Variants in CACNA1A observed in about 807,000 individuals in gnomAD.
The protein encoded by CACNA1A is voltage-dependent P/Q-type calcium channel subunit alpha-1A.
Under a neutral mutation model 262.4 loss-of-function variants are expected in CACNA1A, and 57 were observed. That is an observed-to-expected ratio of 0.22 (90% confidence interval 0.18 to 0.27). The LOEUF (loss-of-function observed/expected upper bound fraction) is 0.27, where lower values mean the gene tolerates loss of function less well. CACNA1A is among the 10% of genes least tolerant of loss of function. CACNA1A has a pLI of 1.00. For missense variants in CACNA1A, 2,526 were observed against 3,562.8 expected (o/e 0.71, Z 7.41); for synonymous variants, 1,431 against 1,419.3 (o/e 1.01, Z -0.18).
intron 5 of CACNA1A, chr19:13,363,540 C>T (rs2059151753): frequency 6.6e-6 from 1 of 151,292 alleles, no homozygotes; most frequent in Admixed American, 6.6e-5. Flanking sequence ...CCCAAACCTC[C>T]AACCATTGCA....
At chr19:13,332,403 T>TA (rs892925959) in intron 9 of CACNA1A, among the ~76,000 whole-genome samples, 17 of 147,164 alleles carry the variant, frequency 1.2e-4, no homozygotes, top group African/African-American at 3.0e-4. Flanking sequence ...CTGTCTCAAT[T>TA]AAAAAAAAAA....
intron 1 of CACNA1A, among the ~76,000 whole-genome samples, chr19:13,493,040 G>A (rs920195452): frequency 6.6e-6 from 1 of 152,192 alleles, no homozygotes; most frequent in Non-Finnish European, 1.5e-5. Context: ...AGGGGAAGGA[G>A]AGAGAAGGGG....
intron 3 of CACNA1A, among the ~76,000 whole-genome samples, chr19:13,402,777 TACATATATATACATATATAC>T (rs1372582789): frequency 0.036 from 4,746 of 133,248 alleles, 252 homozygotes; most frequent in African/African-American, 0.11. Flanking sequence ...TACATATATA[TACATATATATACATATATAC>T]ACACATATAT....
At chr19:13,305,050 C>T (rs1178087393) in intron 15 of CACNA1A, among the ~76,000 whole-genome samples, 1 of 152,096 alleles carries the variant, frequency 6.6e-6, no homozygotes, top group African/African-American at 2.4e-5. Context: ...GGTTCGGGTG[C>T]AAGTGGTTTG....
chr19:13,251,475 T>G (rs1049122924), intron 30 of CACNA1A, among the ~76,000 whole-genome samples: 1 of 152,078 alleles, frequency 6.6e-6, no homozygotes, highest in Non-Finnish European at 1.5e-5. Flanking sequence ...AGCGAGACTG[T>G]CTCAAACAAA....
chr19:13,284,353 T>C (rs564482567), intron 21 of CACNA1A: 1 of 152,254 alleles, frequency 6.6e-6, no homozygotes, highest in African/African-American at 2.4e-5. Flanking sequence ...ACTTTAAAGG[T>C]ACTTTTATTT....
At chr19:13,497,876 G>A (rs1981877431) in intron 1 of CACNA1A, among the ~76,000 whole-genome samples, 1 of 151,930 alleles carries the variant, frequency 6.6e-6, no homozygotes, top group Non-Finnish European at 1.5e-5. Context: ...CCGTTTTACA[G>A]AGGAGAAGAC....
chr19:13,387,720 A>G (rs2059639883), intron 3 of CACNA1A, among the ~76,000 whole-genome samples: 1 of 152,126 alleles, frequency 6.6e-6, no homozygotes, highest in South Asian at 2.1e-4. Flanking sequence ...GGCTGGAGAG[A>G]CCTCATGAAG....
chr19:13,343,528 C>A (rs761655851), intron 6 of CACNA1A, among the ~76,000 whole-genome samples: 8 of 152,046 alleles, frequency 5.3e-5, no homozygotes, highest in Admixed American at 1.3e-4. Context: ...GGAGAACATA[C>A]ATTCTTCTCA....
chr19:13,281,831 T>C (rs752146907), intron 22 of CACNA1A, among the ~76,000 whole-genome samples: 2 of 152,198 alleles, frequency 1.3e-5, no homozygotes, highest in African/African-American at 4.8e-5. Context: ...GCCGGGGAGC[T>C]GAACGCTCTT....
At chr19:13,222,587 G>A (rs11085836) in intron 38 of CACNA1A, among the ~76,000 whole-genome samples, 111,555 of 151,284 alleles carry the variant, frequency 0.74, 41,490 homozygotes, top group Middle Eastern at 0.84. Context: ...AGTAGAGAAG[G>A]GGTTTCACCG....
At chr19:13,357,617 A>C (rs4926279) in intron 6 of CACNA1A, among the ~76,000 whole-genome samples, 78,073 of 152,026 alleles carry the variant, frequency 0.51, 21,527 homozygotes, top group East Asian at 0.95. Flanking sequence ...CTGCCTGGGG[A>C]CTGCTTACCT....
chr19:13,450,892 T>G (rs1475167279), intron 3 of CACNA1A: 1 of 152,212 alleles, frequency 6.6e-6, no homozygotes, highest in Non-Finnish European at 1.5e-5. Flanking sequence ...CTCAAACTCC[T>G]GGGCCCAAGC....
chr19:13,263,487 G>C (rs1200219381), intron 24 of CACNA1A: 1 of 151,420 alleles, frequency 6.6e-6, no homozygotes, highest in South Asian at 2.1e-4. Context: ...TTTCAAAAAA[G>C]CCCTTGGTCT....
chr19:13,329,185 T>A (rs779074254), intron 10 of CACNA1A, among the ~76,000 whole-genome samples: 3 of 152,134 alleles, frequency 2.0e-5, no homozygotes, highest in Non-Finnish European at 4.4e-5. Context: ...AGAATAAATG[T>A]TCCCTCCTCC....
intron 24 of CACNA1A, among the ~76,000 whole-genome samples, chr19:13,267,281 CCT>C (rs1210904253): frequency 6.6e-6 from 1 of 152,210 alleles, no homozygotes; most frequent in South Asian, 2.1e-4. Context: ...CACACGCACC[CCT>C]GAGCACCCCC....
rs34849471 is a variant in CACNA1A at position 13,360,265 on chromosome 19, G to GTATA, written c.785-470_785-467dup. Reference sequence around the variant, plus strand: ...ATTAGGTGTCTGTGTGTGTGTGTGTGTATATATATATATATATATATGAAG... The same window carrying GTATA: ...ATTAGGTGTCTGTGTGTGTGTGTGTGTATATATATATATATATATATATATGAAG... On this transcript the variant is annotated intron_variant, in intron 5 of 46. Transcript: ENST00000360228. Among the ~76,000 whole-genome samples the GTATA allele has an allele frequency of 0.012, 1,478 of 124,184 alleles. 89 individuals are homozygous for GTATA. In the East Asian group the frequency reaches 0.12, roughly 10 times the overall value. 81.5% of individuals were successfully genotyped at this position (124,184 alleles called of 152,430 possible).
rs1363577359 is a variant in CACNA1A at position 13,359,856 on chromosome 19, G to T, written c.785-57C>A. On this transcript the variant is annotated intron_variant, in intron 5 of 46. Coordinates refer to ENST00000360228, the MANE Select transcript of CACNA1A (RefSeq NM_001127222.2). ...AAGGAGCAGGGAAAACCAGCTCTGAGAAATAGGGACCAGTGACTCTATAAT... is the reference window on the plus strand; with the variant it reads ...AAGGAGCAGGGAAAACCAGCTCTGATAAATAGGGACCAGTGACTCTATAAT... 3.3e-6 allele frequency: 4 copies of T among 1,212,048 alleles called. No individual in the cohort carries two copies. In the African/African-American group the frequency reaches 4.6e-5, roughly 14 times the overall value. 75.1% of individuals were successfully genotyped at this position (1,212,048 alleles called of 1,614,324 possible). A position where few individuals can be genotyped will look rare whatever the true frequency, so the allele number is the denominator to read the frequency against.
intron 3 of CACNA1A, among the ~76,000 whole-genome samples, chr19:13,397,048 G>A (rs1448851379): frequency 2.6e-5 from 4 of 152,094 alleles, no homozygotes; most frequent in African/African-American, 9.7e-5. Context: ...TCTCTTTAAG[G>A]AGTCTCTTCA....
Sources: allele counts gnomAD v4.1 joint callset (sites outside exome capture counted in the v4.1 genomes callset), GRCh38; gene constraint gnomAD v4.1.1; transcripts MANE v1.5; gene names NCBI Gene and HGNC (gene_info 2026-07-23, HGNC 2026-07-21).